TTYH2: variants seen among roughly 807,000 people sequenced by gnomAD.
The protein encoded by TTYH2 is tweety family member 2.
TTYH2 carries 49 observed loss-of-function variants against 68.3 expected under a neutral mutation model. That is an observed-to-expected ratio of 0.72 (90% CI 0.57 to 0.91). TTYH2 has a LOEUF of 0.91. Among genes scored for constraint, TTYH2 ranks in the 40% least tolerant of loss-of-function variants. The probability of loss-of-function intolerance (pLI) is 0.00; values close to 1 mark genes in which losing one functional copy is unlikely to be tolerated. For missense variants in TTYH2, 631 were observed against 700.4 expected (o/e 0.90, Z 1.12); for synonymous variants, 272 against 300.8 (o/e 0.90, Z 0.99).
intron 11 of TTYH2, 124 bp from the exon 12 acceptor site, chr17:74,252,957 G>T (rs1291773179): frequency 2.4e-5 from 24 of 1,001,250 alleles, no homozygotes; most frequent in Non-Finnish European, 3.6e-5. Flanking sequence ...TTTTAGAGGA[G>T]TCTCAAGGAG....
At chr17:74,250,523 C>T in intron 10 of TTYH2, 166 bp downstream of exon 10, 1 of 615,892 alleles carries the variant, frequency 1.6e-6, no homozygotes, top group Non-Finnish European at 2.8e-6. Context: ...TGCCTGGCTT[C>T]TCCAGGGGCT....
rs2050400346 is a variant in TTYH2, at chr17:74,232,513, G to T, written c.414+1514G>T. Among the ~76,000 whole-genome samples the T allele has an allele frequency of 6.6e-6, 1 of 152,250 alleles. No individual in the cohort carries two copies. ...GGGGCGGCTGGGTTGGAGGAGCTGAGGGACAGCCAGCTCAGGCCTGGGAGG... is the reference window on the plus strand; with the variant it reads ...GGGGCGGCTGGGTTGGAGGAGCTGATGGACAGCCAGCTCAGGCCTGGGAGG... On this transcript the variant is annotated intron_variant, in intron 3 of 13. Transcript: ENST00000269346. This position sits in a 1 kb window ranked among gnomAD's most constrained non-coding sequence, Gnocchi z 5.1.
At position 74,260,954 on chromosome 17, in the gene TTYH2, T is replaced by G. The variant is rs2050744727; in HGVS notation, c.*745T>G. 1 of 152,772 alleles carries G rather than the reference T, an allele frequency of 6.5e-6. No homozygotes were observed. The highest frequency in any genetic ancestry group is 6.5e-5 in the Admixed American group (1 of 15,294). The allele number at this position is 152,772 out of a possible 1,614,324, so 9.5% of individuals were successfully genotyped here. On this transcript the variant is annotated 3_prime_UTR_variant, in exon 14 of 14. Transcript: ENST00000269346. ...CTATTCCAGAATCAATGCTGCAGAA[T>G]GTGTTAGCTGCAGATAGGCATGGTC...
At chr17:74,233,198 T>C (rs1272544337) in intron 3 of TTYH2, among the ~76,000 whole-genome samples, 1 of 152,008 alleles carries the variant, frequency 6.6e-6, no homozygotes, top group African/African-American at 2.4e-5. Context: ...AGGGCCCAGG[T>C]GTAGCTGCTG....
At position 74,249,405 on chromosome 17, in the gene TTYH2, GC is replaced by G; in HGVS notation, c.930+12del. The stretch of plus-strand genomic sequence containing the variant: ...GAAGCAGCCCCTTCCAGCAGGTATG[GC>G]CCCCCGAGGCCTGCCCTCACCCTGC... On this transcript the variant is annotated splice_region_variant and intron_variant, in intron 8 of 13. Coordinates refer to ENST00000269346, the MANE Select transcript of TTYH2 (RefSeq NM_032646.6). 2 of 1,613,516 alleles carry G rather than the reference GC, an allele frequency of 1.2e-6. No homozygotes were observed. Among genetic ancestry groups the G allele is most frequent in the Non-Finnish European group, 1.7e-6 (2 of 1,179,998 alleles).
At position 74,249,370 on chromosome 17, in the gene TTYH2, A is replaced by T; in HGVS notation, c.901A>T (p.Ser301Cys). Reference protein sequence around the residue: ...TEVTRYYLYCSQSGSSPFQQT... With the variant: ...TEVTRYYLYCCQSGSSPFQQT... Reference sequence around the variant, plus strand: ...GGTGACTCGCTACTACCTGTATTGCAGCCAGAGTGGAAGCAGCCCCTTCCA... The same window carrying T: ...GGTGACTCGCTACTACCTGTATTGCTGCCAGAGTGGAAGCAGCCCCTTCCA... The change falls in exon 8 of 14, where the codon AGC becomes TGC. Residue 301 changes from serine (S) to cysteine (C), a missense_variant. Coordinates refer to ENST00000269346, the MANE Select transcript of TTYH2 (RefSeq NM_032646.6). The T allele has an allele frequency of 6.2e-7, 1 of 1,614,088 alleles. No individual in the cohort carries two copies. The highest frequency in any genetic ancestry group is 1.1e-5 in the South Asian group (1 of 91,080).
At position 74,223,677 on chromosome 17, in the gene TTYH2, AT is replaced by A. The variant is rs1228324485; in HGVS notation, c.302+1025del. Among the ~76,000 whole-genome samples the A allele has an allele frequency of 9.2e-5, 14 of 151,972 alleles. No individual in the cohort carries two copies. In the East Asian group the frequency reaches 2.7e-3, roughly 30 times the overall value. ...TTTTCTTGTTTTTAAATCTATAATG[AT>A]TTTTCCAAAAGCCTCTAGTGTCCAC... On this transcript the variant is annotated intron_variant, in intron 2 of 13. Transcript: ENST00000269346.
rs1208675912 is a variant in TTYH2, at chr17:74,249,946, C to T, written c.941C>T (p.Thr314Ile). 3 of 1,613,970 alleles carry T rather than the reference C, an allele frequency of 1.9e-6. No homozygotes were observed. The East Asian group carries it at 6.7e-5, about 36-fold the overall frequency. Reference protein sequence around the residue: ...GSSPFQQTLTTFQRALTTMQI... With the variant: ...GSSPFQQTLTIFQRALTTMQI... ...TCTTTCCTGGCTCAGACCCTGACCACCTTCCAGCGCGCACTTACCACCATG... is the reference window on the plus strand; with the variant it reads ...TCTTTCCTGGCTCAGACCCTGACCATCTTCCAGCGCGCACTTACCACCATG... The change falls in exon 9 of 14, where the codon ACC (threonine) becomes ATC (isoleucine). Residue 314 changes from threonine to isoleucine, a missense_variant. Coordinates refer to ENST00000269346, the MANE Select transcript of TTYH2 (RefSeq NM_032646.6).
intron 10 of TTYH2, chr17:74,251,805 C>A: frequency 5.7e-6 from 1 of 176,160 alleles, no homozygotes. Flanking sequence ...ACTCCTCTCC[C>A]GCATTGCAAG....
rs1555602115 is a variant in TTYH2, at chr17:74,261,238, G to C, written c.*1029G>C. 6.6e-6 allele frequency: 1 copy of C among 152,200 alleles called. No homozygotes were observed. 9.4% of individuals were successfully genotyped at this position (152,200 alleles called of 1,614,324 possible). A position where few individuals can be genotyped will look rare whatever the true frequency, so the allele number is the denominator to read the frequency against. ...GTGAGGCATCCTGTCCCAAGCTACT[G>C]TTTGGTGGGGATCTGGGTTCATCTC... On this transcript the variant is annotated 3_prime_UTR_variant, in exon 14 of 14. Transcript: ENST00000269346.
At chr17:74,260,041 G>A in intron 13 of TTYH2, 88 bp from the exon 14 acceptor site, 4 of 1,223,258 alleles carry the variant, frequency 3.3e-6, no homozygotes, top group Non-Finnish European at 4.8e-6. Context: ...ACCCGACCCA[G>A]TTCCACTCTG....
intron 10 of TTYH2, 149 bp downstream of exon 10, chr17:74,250,506 G>A (rs1322052141): frequency 3.0e-6 from 2 of 669,312 alleles, no homozygotes; most frequent in African/African-American, 1.8e-5. Context: ...AATGGGAAGG[G>A]AGGGGGTGCC....
chr17:74,256,079 T>C (rs1044933268), intron 13 of TTYH2, among the ~76,000 whole-genome samples: 5 of 152,006 alleles, frequency 3.3e-5, no homozygotes, highest in African/African-American at 1.2e-4. Flanking sequence ...CTTCAGGAAG[T>C]TCCAGTCTAT....
rs146838126 is a variant in TTYH2 at position 74,237,346 on chromosome 17, G to A, written c.467G>A (p.Arg156Gln). The A allele has an allele frequency of 8.2e-4, 1,317 of 1,614,136 alleles. 14 individuals are homozygous for A. Among genetic ancestry groups the A allele is most frequent in the South Asian group, 6.9e-3 (631 of 91,076 alleles). Residue 156 changes from arginine to glutamine, a missense_variant, in exon 4 of 14, where the codon CGG becomes CAG. Physicochemically the swap from Arg to Gln is conservative, Grantham distance 43. Transcript: ENST00000269346. ...MKVDLEQHLA[R>Q]LSEIFAARGD... ...GTGGACCTAGAGCAGCACCTGGCCC[G>A]GCTCAGTGAGATCTTTGCTGCCCGG... is the stretch of plus-strand genomic sequence containing the variant.
At chr17:74,245,248 C>A (rs2050545180) in intron 6 of TTYH2, among the ~76,000 whole-genome samples, 1 of 152,220 alleles carries the variant, frequency 6.6e-6, no homozygotes, top group Non-Finnish European at 1.5e-5. Context: ...GACCACGGAC[C>A]AAGGAATGGT....
In TTYH2 at chr17:74,239,197, C is replaced by A. The variant is rs1055832815; in HGVS notation, c.635+1683C>A. 4.6e-5 allele frequency among the ~76,000 whole-genome samples: 7 copies of A among 152,186 alleles called. No homozygotes were observed. The highest frequency in any genetic ancestry group is 1.0e-4 in the Non-Finnish European group (7 of 68,038). ...AATCGGCGGAGCAGGGACCTGCTGC[C>A]CCTCTCCAGGTGCAGGGTCCAGCGA... On this transcript the variant is annotated intron_variant, in intron 4 of 13. Coordinates refer to ENST00000269346, the MANE Select transcript of TTYH2 (RefSeq NM_032646.6). This position sits in a 1 kb window ranked among gnomAD's most constrained non-coding sequence, Gnocchi z 5.3.
chr17:74,216,102 C>T (rs1010162050), intron 1 of TTYH2, among the ~76,000 whole-genome samples: 3 of 152,186 alleles, frequency 2.0e-5, no homozygotes, highest in African/African-American at 7.2e-5. Flanking sequence ...ATGCCTAGTA[C>T]AGAGAGTCCC....
chr17:74,231,094 T>G, intron 3 of TTYH2, 95 bp downstream of exon 3: 1 of 1,175,986 alleles, frequency 8.5e-7, no homozygotes, highest in Non-Finnish European at 1.2e-6. Context: ...CTAGCTCAGC[T>G]GCACACGGAG....
intron 3 of TTYH2, 116 bp from the exon 4 acceptor site, chr17:74,237,178 G>T: frequency 1.0e-6 from 1 of 998,160 alleles, no homozygotes. Context: ...GGGATGACAG[G>T]CATGAGCGTA....
Sources: allele counts gnomAD v4.1 joint callset (sites outside exome capture counted in the v4.1 genomes callset), GRCh38; gene constraint gnomAD v4.1.1; non-coding constraint Gnocchi (gnomAD v3.1); transcripts MANE v1.5; gene names NCBI Gene and HGNC (gene_info 2026-07-23, HGNC 2026-07-21).